Variants in MGAT4C observed in about 807,000 individuals in gnomAD.
The protein encoded by MGAT4C is alpha-1,3-mannosyl-glycoprotein 4-beta-N-acetylglucosaminyltransferase C.
Under a neutral mutation model 40.1 loss-of-function variants are expected in MGAT4C, and 19 were observed. The observed-to-expected ratio is 0.47, with a 90% CI of 0.33 to 0.70. The LOEUF is 0.70. MGAT4C is among the 30% of genes least tolerant of loss of function. The pLI, the probability that MGAT4C is intolerant of heterozygous loss-of-function variation, is 0.02. For missense variants in MGAT4C, 491 were observed against 563.2 expected, an observed-to-expected ratio of 0.87 and a Z score of 1.30; for synonymous variants, 181 against 187.1, an observed-to-expected ratio of 0.97 and a Z score of 0.27.
intron 2 of MGAT4C, among the ~76,000 whole-genome samples, chr12:86,441,331 T>A (rs4575343): frequency 0.24 from 36,223 of 150,858 alleles, 5,432 homozygotes; most frequent in South Asian, 0.39. Context: ...ACTGATTTTT[T>A]TTATTATTAT....
At chr12:86,067,254 C>T (rs1271415322) in intron 1 of MGAT4C, among the ~76,000 whole-genome samples, 1 of 152,174 alleles carries the variant, frequency 6.6e-6, no homozygotes, top group East Asian at 1.9e-4. Flanking sequence ...AAGATACACT[C>T]ACACAAATGT....
rs144323937 is a variant in MGAT4C at position 86,502,158 on chromosome 12, T to C, written c.-228-66893A>G. ...ATGGAATGTTATTGGGAAGGAATTA[T>C]TATTGAAAAATTAAACCCTATAAGT... On this transcript the variant is annotated intron_variant, in intron 2 of 7. Coordinates refer to the MGAT4C transcript ENST00000548651. 7.1e-3 allele frequency among the ~76,000 whole-genome samples: 1,075 copies of C among 152,238 alleles called. 4 individuals are homozygous for C. The highest frequency in any genetic ancestry group is 0.027 in the Middle Eastern group (8 of 294).
intron 2 of MGAT4C, among the ~76,000 whole-genome samples, chr12:86,470,803 T>C (rs560122694): frequency 7.8e-4 from 119 of 152,240 alleles, no homozygotes; most frequent in African/African-American, 2.6e-3. Context: ...CATATACTAA[T>C]AGCGAAATAA....
rs146676362 is a variant in MGAT4C at position 86,166,214 on chromosome 12, T to C, written c.-57+90025A>G. 5.2e-3 allele frequency among the ~76,000 whole-genome samples: 795 copies of C among 152,240 alleles called. 7 individuals carry two copies. Among genetic ancestry groups the C allele is most frequent in the African/African-American group, 0.018 (758 of 41,536 alleles). On this transcript the variant is annotated intron_variant, in intron 1 of 4. Coordinates refer to ENST00000611864, the MANE Select transcript of MGAT4C (RefSeq NM_001351288.2). ...AATAAATTTAAAATATTTTGACAGG[T>C]TGAAAACCATTTACAAAATTATTAA...
chr12:86,290,511 A>G (rs559793503), intron 4 of MGAT4C, among the ~76,000 whole-genome samples: 1 of 152,328 alleles, frequency 6.6e-6, no homozygotes, highest in South Asian at 2.1e-4. Flanking sequence ...TGACAAAACA[A>G]AATTGAAACA....
At chr12:86,133,202 C>T (rs577922116) in intron 1 of MGAT4C, among the ~76,000 whole-genome samples, 1 of 152,314 alleles carries the variant, frequency 6.6e-6, no homozygotes, top group East Asian at 1.9e-4. Flanking sequence ...TTAGAAAGCA[C>T]ATGTTAAGTA....
chr12:86,679,240 G>A (rs1272715207), intron 2 of MGAT4C, among the ~76,000 whole-genome samples: 1 of 152,106 alleles, frequency 6.6e-6, no homozygotes, highest in Admixed American at 6.6e-5. Flanking sequence ...TTTGAGAAGT[G>A]TCTGTTCATA....
intron 2 of MGAT4C, among the ~76,000 whole-genome samples, chr12:86,663,716 A>G (rs1436644309): frequency 6.6e-6 from 1 of 152,158 alleles, no homozygotes; most frequent in Non-Finnish European, 1.5e-5. Context: ...ATACTACCTA[A>G]TAGCCCCCTC....
chr12:86,512,911 G>A (rs1489567691), intron 2 of MGAT4C, among the ~76,000 whole-genome samples: 3 of 146,856 alleles, frequency 2.0e-5, no homozygotes, highest in Non-Finnish European at 4.5e-5. Flanking sequence ...ATTTTTAAAG[G>A]GTAGATCTCA....
At chr12:86,526,247 C>T (rs1304827375) in intron 2 of MGAT4C, among the ~76,000 whole-genome samples, 3 of 152,030 alleles carry the variant, frequency 2.0e-5, no homozygotes, top group Admixed American at 1.3e-4. Context: ...GGTTGGCCGG[C>T]TCTGTGCCCA....
intron 3 of MGAT4C, among the ~76,000 whole-genome samples, chr12:86,346,981 C>G (rs950748097): frequency 1.3e-5 from 2 of 152,126 alleles, no homozygotes; most frequent in African/African-American, 2.4e-5. Context: ...GCTTTTGGAC[C>G]CTTGGACTTA....
intron 2 of MGAT4C, among the ~76,000 whole-genome samples, chr12:86,538,963 A>G (rs10745419): frequency 0.77 from 116,947 of 152,054 alleles, 46,599 homozygotes; most frequent in Middle Eastern, 0.89. Flanking sequence ...TAACTACTGC[A>G]TATGCATAAT....
intron 2 of MGAT4C, among the ~76,000 whole-genome samples, chr12:86,587,012 C>A (rs1219622264): frequency 6.6e-6 from 1 of 152,062 alleles, no homozygotes; most frequent in East Asian, 1.9e-4. Context: ...GTGTTTTAGT[C>A]ATGAAGTCCT....
At chr12:86,462,551 T>C in intron 2 of MGAT4C, among the ~76,000 whole-genome samples, 1 of 152,112 alleles carries the variant, frequency 6.6e-6, no homozygotes, top group South Asian at 2.1e-4. Context: ...GAGTATTGAC[T>C]CACACAATCA....
At chr12:86,491,991 A>G (rs1958146867) in intron 2 of MGAT4C, among the ~76,000 whole-genome samples, 1 of 152,164 alleles carries the variant, frequency 6.6e-6, no homozygotes, top group Admixed American at 6.5e-5. Flanking sequence ...AAGCATTCTT[A>G]TACACCAATA....
intron 2 of MGAT4C, among the ~76,000 whole-genome samples, chr12:86,453,311 A>G (rs749186142): frequency 4.6e-5 from 7 of 152,186 alleles, no homozygotes; most frequent in Non-Finnish European, 7.3e-5. Flanking sequence ...AATATATGAA[A>G]TCATAATACC....
intron 2 of MGAT4C, among the ~76,000 whole-genome samples, chr12:86,718,001 C>G (rs1018407876): frequency 6.6e-6 from 1 of 152,156 alleles, no homozygotes. Context: ...AATTTCATCC[C>G]CAGAAGACAT....
chr12:86,455,290 G>C (rs188704998), intron 2 of MGAT4C, among the ~76,000 whole-genome samples: 4 of 152,016 alleles, frequency 2.6e-5, no homozygotes, highest in African/African-American at 9.6e-5. Context: ...AAAGGCAATG[G>C]GTGTATATAC....
At chr12:86,453,558 A>G (rs1264953524) in intron 2 of MGAT4C, among the ~76,000 whole-genome samples, 1 of 152,096 alleles carries the variant, frequency 6.6e-6, no homozygotes, top group African/African-American at 2.4e-5. Flanking sequence ...CAAGTAAGCT[A>G]GACCAGCATG....
Sources: allele counts gnomAD v4.1 joint callset (sites outside exome capture counted in the v4.1 genomes callset), GRCh38; gene constraint gnomAD v4.1.1; transcripts MANE v1.5; gene names NCBI Gene and HGNC (gene_info 2026-07-23, HGNC 2026-07-21).